MKLN1: variants seen among roughly 807,000 people sequenced by gnomAD.
MKLN1 encodes muskelin.
Under a neutral mutation model 99.0 loss-of-function variants are expected in MKLN1, and 18 were observed. That is an observed-to-expected ratio of 0.18 (90% CI 0.13 to 0.27). MKLN1 has a LOEUF of 0.27. Among genes scored for constraint, MKLN1 ranks in the 10% least tolerant of loss-of-function variants. The pLI is 1.00. For missense variants in MKLN1, 621 were observed against 875.9 expected, an observed-to-expected ratio of 0.71 and a Z score of 3.67; for synonymous variants, 288 against 293.2, an observed-to-expected ratio of 0.98 and a Z score of 0.18.
intron 2 of MKLN1, among the ~76,000 whole-genome samples, chr7:131,147,940 G>A (rs977675376): frequency 8.5e-5 from 13 of 152,198 alleles, no homozygotes. Flanking sequence ...GAGGGCTATG[G>A]TGAAGTCTGT....
At chr7:131,444,763 AAGTAGT>A (rs60459266) in intron 11 of MKLN1, among the ~76,000 whole-genome samples, 31,483 of 117,370 alleles carry the variant, frequency 0.27, 4,438 homozygotes, top group African/African-American at 0.31. Flanking sequence ...GTAGTAGAAG[AAGTAGT>A]AGTAGTAGTA....
At chr7:131,253,164 C>T (rs1348485856) in intron 3 of MKLN1, among the ~76,000 whole-genome samples, 1 of 152,188 alleles carries the variant, frequency 6.6e-6, no homozygotes, top group Non-Finnish European at 1.5e-5. Context: ...GGAAAATCTA[C>T]TAAATCCTGG....
intron 1 of MKLN1, among the ~76,000 whole-genome samples, chr7:131,374,918 G>T: frequency 6.7e-6 from 1 of 149,564 alleles, no homozygotes. Flanking sequence ...GTATTTTATT[G>T]CTTTATTTTT....
chr7:131,409,469 GAA>G (rs1328440256), intron 6 of MKLN1, among the ~76,000 whole-genome samples: 3 of 152,114 alleles, frequency 2.0e-5, no homozygotes, highest in African/African-American at 7.2e-5. Context: ...CAAGAATTTT[GAA>G]AAGTCTCAAA....
intron 1 of MKLN1, among the ~76,000 whole-genome samples, chr7:131,340,402 C>A (rs990297135): frequency 6.6e-5 from 10 of 151,592 alleles, no homozygotes; most frequent in South Asian, 2.1e-4. Flanking sequence ...CTCAGCCCCC[C>A]CAAGTAGCTG....
intron 11 of MKLN1, among the ~76,000 whole-genome samples, chr7:131,444,816 GTAGTA>G (rs1795960824): frequency 2.0e-5 from 3 of 149,512 alleles, no homozygotes; most frequent in African/African-American, 7.4e-5. Flanking sequence ...AGTAGTAGTA[GTAGTA>G]GAAGTGGAAG....
At chr7:131,143,083 C>A in intron 2 of MKLN1, 1 of 456,964 alleles carries the variant, frequency 2.2e-6, no homozygotes, top group Non-Finnish European at 3.9e-6. Flanking sequence ...GTTGTTTTCA[C>A]AATGTTTGAA....
chr7:131,132,639 CA>C (rs1334578175), intron 1 of MKLN1, among the ~76,000 whole-genome samples: 2 of 151,890 alleles, frequency 1.3e-5, no homozygotes, highest in Non-Finnish European at 2.9e-5. Flanking sequence ...AATGAAAAAC[CA>C]AAGGCCGGGC....
chr7:131,411,796 A>G lies in MKLN1; in HGVS notation c.781+413A>G, dbSNP rs757410099. Among the ~76,000 whole-genome samples, 16 of 150,044 alleles carry G rather than the reference A, an allele frequency of 1.1e-4. No homozygotes were observed. In the South Asian group the frequency reaches 3.4e-3, roughly 32 times the overall value. ...ATGGTGTGTGCCTGTAATCCCAGCTACTCGGGAGGCTGGGGTAGGAGAATC... is the reference window on the plus strand; with the variant it reads ...ATGGTGTGTGCCTGTAATCCCAGCTGCTCGGGAGGCTGGGGTAGGAGAATC... On this transcript the variant is annotated intron_variant, in intron 7 of 17. Coordinates refer to ENST00000352689, the MANE Select transcript of MKLN1 (RefSeq NM_013255.5).
intron 16 of MKLN1, among the ~76,000 whole-genome samples, chr7:131,478,071 A>G (rs1291984309): frequency 6.6e-6 from 1 of 152,252 alleles, no homozygotes; most frequent in Non-Finnish European, 1.5e-5. Flanking sequence ...CATTATGTCC[A>G]TTAAAAAAGG....
intron 4 of MKLN1, among the ~76,000 whole-genome samples, chr7:131,393,848 A>G (rs1430661030): frequency 1.3e-5 from 2 of 151,382 alleles, no homozygotes; most frequent in Non-Finnish European, 2.9e-5. Flanking sequence ...CTGGTCTTGA[A>G]CTCCTGGGCT....
rs755517558 is a variant in MKLN1 at position 131,375,500 on chromosome 7, T to G, written c.168+7T>G. On this transcript the variant is annotated splice_region_variant and intron_variant, in intron 2 of 17. Coordinates refer to ENST00000352689, the MANE Select transcript of MKLN1 (RefSeq NM_013255.5). ...GAGCAACTATCCTCCCCAGGTAAGA[T>G]TACATGTATCCCTTAATGCTGTTTA... is the stretch of plus-strand genomic sequence containing the variant. 6.4e-7 allele frequency: 1 copy of G among 1,574,020 alleles called. No individual in the cohort carries two copies. Among genetic ancestry groups the G allele is most frequent in the Non-Finnish European group, 8.7e-7 (1 of 1,143,604 alleles).
intron 15 of MKLN1, among the ~76,000 whole-genome samples, chr7:131,470,100 C>G (rs1045284524): frequency 6.6e-6 from 1 of 152,158 alleles, no homozygotes; most frequent in South Asian, 2.1e-4. Context: ...CTCCTGGACT[C>G]AAGCAGTCCA....
intron 1 of MKLN1, among the ~76,000 whole-genome samples, chr7:131,129,869 C>T (rs1184731249): frequency 6.6e-6 from 1 of 152,068 alleles, no homozygotes; most frequent in African/African-American, 2.4e-5. Context: ...AGCCACCATG[C>T]CCAGCTAGGT....
intron 2 of MKLN1, among the ~76,000 whole-genome samples, chr7:131,189,449 C>T (rs1796501555): frequency 6.6e-6 from 1 of 152,016 alleles, no homozygotes; most frequent in Admixed American, 6.6e-5. Flanking sequence ...ATATGGCTGT[C>T]TGTAAGAAGA....
chr7:131,270,546 A>G (rs985694823), intron 3 of MKLN1, among the ~76,000 whole-genome samples: 5 of 152,226 alleles, frequency 3.3e-5, no homozygotes, highest in African/African-American at 9.6e-5. Context: ...TCACTGGTCC[A>G]TCTATGCTTT....
chr7:131,388,876 T>C lies in MKLN1; in HGVS notation c.312-8T>C. 8 of 1,589,326 alleles carry C rather than the reference T, an allele frequency of 5.0e-6. No homozygotes were observed. Among genetic ancestry groups the C allele is most frequent in the Non-Finnish European group, 6.9e-6 (8 of 1,162,498 alleles). ...GTCAGATTTAATAGCCTTATTTTTT[T>C]CCCACAGTGGCTTAAAGAATGATTA... On this transcript the variant is annotated splice_polypyrimidine_tract_variant and splice_region_variant and intron_variant, in intron 3 of 17. Coordinates refer to ENST00000352689, the MANE Select transcript of MKLN1 (RefSeq NM_013255.5).
chr7:131,162,434 C>T (rs1405697946), intron 2 of MKLN1, among the ~76,000 whole-genome samples: 2 of 152,012 alleles, frequency 1.3e-5, no homozygotes, highest in African/African-American at 2.4e-5. Flanking sequence ...CATAAATGAG[C>T]GTCAGGAATG....
intron 9 of MKLN1, among the ~76,000 whole-genome samples, chr7:131,430,302 C>T (rs1204799287): frequency 6.6e-6 from 1 of 151,924 alleles, no homozygotes; most frequent in African/African-American, 2.4e-5. Context: ...AGGGATTAAT[C>T]ACTGGACAGT....
Sources: gnomAD v4.1 joint callset for allele counts (sites outside exome capture counted in the v4.1 genomes callset) on GRCh38, gnomAD v4.1.1 for gene constraint, MANE v1.5 for transcripts, NCBI Gene and HGNC (gene_info 2026-07-23, HGNC 2026-07-21) for gene names.